Variants in KIF17 observed in about 807,000 individuals in gnomAD.
KIF17 encodes the protein kinesin family member 17.
In KIF17, 80 loss-of-function variants were observed where a neutral mutation model predicts 96.8. The observed-to-expected ratio is 0.83, with a 90% CI of 0.69 to 1.00. The LOEUF is 1.00. KIF17 is among the 50% of genes least tolerant of loss of function. The pLI, the probability that KIF17 is intolerant of heterozygous loss-of-function variation, is 0.00. For synonymous variants in KIF17, 567 were observed against 587.5 expected (o/e 0.97, Z 0.51); for missense variants, 1,280 against 1,372.9 (o/e 0.93, Z 1.07).
At chr1:20,689,207 CAA>C (rs1350116674) in intron 7 of KIF17, among the ~76,000 whole-genome samples, 49 of 152,274 alleles carry the variant, frequency 3.2e-4, no homozygotes, top group Non-Finnish European at 5.0e-4. Flanking sequence ...AATGTGCCAA[CAA>C]GCGGTACCGA....
At chr1:20,675,402 C>G (rs1232925870) in intron 11 of KIF17, among the ~76,000 whole-genome samples, 1 of 150,326 alleles carries the variant, frequency 6.7e-6, no homozygotes, top group Non-Finnish European at 1.5e-5. Flanking sequence ...GAGCTGAGAT[C>G]ACGCCATTGC....
intron 6 of KIF17, 136 bp from the exon 7 acceptor site, chr1:20,690,471 T>A: frequency 2.6e-6 from 2 of 757,698 alleles, no homozygotes; most frequent in Admixed American, 5.7e-5. Context: ...GGTACAACAC[T>A]GTGATAATTA....
At chr1:20,694,358 G>C (rs921943160) in intron 6 of KIF17, among the ~76,000 whole-genome samples, 1 of 152,178 alleles carries the variant, frequency 6.6e-6, no homozygotes, top group Non-Finnish European at 1.5e-5. Context: ...CCAGAGGAGG[G>C]ATTCAAGAAA....
At chr1:20,714,825 C>T (rs1008669718) in intron 2 of KIF17, among the ~76,000 whole-genome samples, 5 of 148,572 alleles carry the variant, frequency 3.4e-5, no homozygotes, top group African/African-American at 1.2e-4. Context: ...ACACCTGAGG[C>T]CACAGGGAAG....
rs1001090316 is a variant in KIF17 at position 20,699,043 on chromosome 1, G to C, written c.1124-555C>G. Among the ~76,000 whole-genome samples, 2 of 152,052 alleles carry C rather than the reference G, an allele frequency of 1.3e-5. No individual in the cohort carries two copies. The highest frequency in any genetic ancestry group is 2.9e-5 in the Non-Finnish European group (2 of 68,002). On this transcript the variant is annotated intron_variant, in intron 5 of 14. Transcript: ENST00000400463. This position sits in a 1 kb window ranked among gnomAD's most constrained non-coding sequence, Gnocchi z 4.3. ...TAACTCACTGAGGCCTCAAATTCCT[G>C]GGCTCAAATGATCCTCCCACCTGAG... is the stretch of plus-strand genomic sequence containing the variant.
At chr1:20,676,496 A>G (rs960827757) in intron 11 of KIF17, among the ~76,000 whole-genome samples, 4 of 152,232 alleles carry the variant, frequency 2.6e-5, no homozygotes, top group Non-Finnish European at 4.4e-5. Context: ...CACAAAACAT[A>G]TGAAAAACTA....
At chr1:20,688,051 T>G (rs573309412) in intron 7 of KIF17, 107 bp from the exon 8 acceptor site, 54 of 970,780 alleles carry the variant, frequency 5.6e-5, no homozygotes, top group African/African-American at 4.8e-4. Context: ...TTTGTTTTTT[T>G]TTTGTTTTTT....
chr1:20,682,334 G>A (rs1263076031), intron 11 of KIF17, among the ~76,000 whole-genome samples: 1 of 152,088 alleles, frequency 6.6e-6, no homozygotes, highest in East Asian at 1.9e-4. Flanking sequence ...TCCAGCCTGG[G>A]CAATATGGTG....
At chr1:20,670,534 G>C in intron 12 of KIF17, 46 bp from the exon 13 acceptor site, 1 of 1,590,210 alleles carries the variant, frequency 6.3e-7, no homozygotes, top group Middle Eastern at 1.7e-4. Flanking sequence ...CCTGGTGCAA[G>C]GCCTAGAGGA....
At chr1:20,665,212 A>G (rs1429733310) in intron 14 of KIF17, among the ~76,000 whole-genome samples, 1 of 100,640 alleles carries the variant, frequency 9.9e-6, no homozygotes, top group South Asian at 3.2e-4. Context: ...TAGAACTCAA[A>G]TTTGCTCTTT....
chr1:20,704,736 C>T lies in KIF17; in HGVS notation c.834G>A (p.Val278=), dbSNP rs772544082. The part of the protein sequence containing the change: ...SALGNVISAL[V]DGRCKHVPYR... The stretch of plus-strand genomic sequence containing the variant: ...AGGGGACGTGCTTACAGCGCCCGTC[C>T]ACCAGCGCCGAGATGACATTGCCCA... The change falls in exon 5 of 15, where the codon GTG becomes GTA. Residue 278 remains valine (V), a synonymous_variant. Transcript: ENST00000400463. The surrounding 1 kb of genome is among the most constrained non-coding windows in gnomAD (Gnocchi z 6.8). 1 of 1,612,974 alleles carries T rather than the reference C, an allele frequency of 6.2e-7. No individual in the cohort carries two copies. The highest frequency in any genetic ancestry group is 1.1e-5 in the South Asian group (1 of 91,052).
intron 10 of KIF17, among the ~76,000 whole-genome samples, chr1:20,683,886 C>CT (rs1468069699): frequency 2.0e-5 from 3 of 151,566 alleles, no homozygotes; most frequent in African/African-American, 7.3e-5. Context: ...TGCAGCAAAC[C>CT]TTTTTCAGCT....
chr1:20,669,564 T>TAATAAA (rs770758270), intron 13 of KIF17, among the ~76,000 whole-genome samples: 1 of 124,490 alleles, frequency 8.0e-6, no homozygotes, highest in African/African-American at 3.1e-5. Flanking sequence ...ATAATAATAA[T>TAATAAA]AAATAAAATA....
Position 20,704,470 on chromosome 1 carries a change from T to C in KIF17, c.1100A>G (p.Gln367Arg). ...IKKLKAILTQ[Q>R]MSPSSLSALL... ...ACCTGACAGGCTGCTGGGGCTCATC[T>C]GCTGTGTCAGGATGGCCTTGAGCTT... The change falls in exon 5 of 15, where the codon CAG (glutamine) becomes CGG (arginine). Residue 367 changes from glutamine to arginine, a missense_variant. Transcript: ENST00000400463. This position sits in a 1 kb window ranked among gnomAD's most constrained non-coding sequence, Gnocchi z 6.8. 2 of 1,614,138 alleles carry C rather than the reference T, an allele frequency of 1.2e-6. No homozygotes were observed. Among genetic ancestry groups the C allele is most frequent in the South Asian group, 1.1e-5 (1 of 91,068 alleles).
rs1406771753 is a variant in KIF17, at chr1:20,682,750, T to A, written c.2366A>T (p.Asp789Val). Residue 789 changes from aspartate to valine, a missense_variant, in exon 11 of 15, where the codon GAT (aspartate) becomes GTT (valine). Coordinates refer to ENST00000400463, the MANE Select transcript of KIF17 (RefSeq NM_001122819.3). ...KQLVAALQNS[D>V]EDSGDWVLLN... ...CAGCACCCAGTCCCCGCTGTCCTCA[T>A]CCGAGTTCTGCAGGGCAGCCACCAG... 1.2e-6 allele frequency: 2 copies of A among 1,613,406 alleles called. No homozygotes were observed. The highest frequency in any genetic ancestry group is 1.7e-6 in the Non-Finnish European group (2 of 1,180,036).
intron 8 of KIF17, 135 bp from the exon 9 acceptor site, chr1:20,686,261 C>T (rs189982621): frequency 3.3e-5 from 24 of 737,740 alleles, no homozygotes; most frequent in African/African-American, 5.2e-5. Context: ...CTGTCACTCC[C>T]GAGAGAAGGA....
At chr1:20,670,555 G>A (rs1248707823) in intron 12 of KIF17, 67 bp from the exon 13 acceptor site, 2 of 1,463,166 alleles carry the variant, frequency 1.4e-6, no homozygotes, top group East Asian at 2.3e-5. Context: ...GGGCACAGGT[G>A]GAGGTGGGGG....
At chr1:20,666,415 A>G in intron 13 of KIF17, 84 bp from the exon 14 acceptor site, 1 of 1,120,676 alleles carries the variant, frequency 8.9e-7, no homozygotes, top group Non-Finnish European at 1.4e-6. Flanking sequence ...ATCCTGGGGC[A>G]GTGGGGGCCG....
At position 20,685,314 on chromosome 1, in the gene KIF17, C is replaced by T. The variant is rs991654510; in HGVS notation, c.2020-294G>A. On this transcript the variant is annotated intron_variant, in intron 9 of 14. Transcript: ENST00000400463. The surrounding 1 kb of genome is among the most constrained non-coding windows in gnomAD (Gnocchi z 4.1). Reference sequence around the variant, plus strand: ...CTTAAAATAGAAACCGATCACATCCCGTTCCCGATGAGCCCCATGTGACTT... The same window carrying T: ...CTTAAAATAGAAACCGATCACATCCTGTTCCCGATGAGCCCCATGTGACTT... 16 of 590,450 alleles carry T rather than the reference C, an allele frequency of 2.7e-5. No individual in the cohort carries two copies. The highest frequency in any genetic ancestry group is 4.7e-5 in the South Asian group (3 of 63,660). The allele number at this position is 590,450 out of a possible 1,614,324, so 36.6% of individuals were successfully genotyped here.
Sources: gnomAD v4.1 joint callset for allele counts (sites outside exome capture counted in the v4.1 genomes callset) on GRCh38, gnomAD v4.1.1 for gene constraint, Gnocchi (gnomAD v3.1) non-coding constraint, MANE v1.5 for transcripts, NCBI Gene and HGNC (gene_info 2026-07-23, HGNC 2026-07-21) for gene names.